Variants in PLEKHA8 observed in about 807,000 individuals in gnomAD.
The protein encoded by PLEKHA8 is pleckstrin homology domain-containing family A member 8.
PLEKHA8 carries 36 observed loss-of-function variants against 68.2 expected under a neutral mutation model. The ratio of observed to expected loss-of-function variants is 0.53; its 90% CI spans 0.40 to 0.70. The LOEUF (loss-of-function observed/expected upper bound fraction) is 0.70. PLEKHA8 is among the 30% of genes least tolerant of loss of function. The pLI is 0.00. For missense variants in PLEKHA8, 505 were observed against 615.4 expected (o/e 0.82, Z 1.90); for synonymous variants, 211 against 216.1 (o/e 0.98, Z 0.20).
At chr7:30,106,681 C>T (rs1796068527) in intron 13 of PLEKHA8, among the ~76,000 whole-genome samples, 1 of 152,178 alleles carries the variant, frequency 6.6e-6, no homozygotes, top group Non-Finnish European at 1.5e-5. Flanking sequence ...TAAATGGAGT[C>T]AGCCAACCCG....
intron 13 of PLEKHA8, 114 bp downstream of exon 13, chr7:30,074,246 T>TGTGTGTGTG (rs1794461707): frequency 1.6e-5 from 8 of 488,526 alleles, no homozygotes; most frequent in African/African-American, 1.2e-4. Context: ...AGAAACAAAG[T>TGTGTGTGTG]TGTGTGTGTG....
intron 13 of PLEKHA8, among the ~76,000 whole-genome samples, chr7:30,123,912 G>C (rs1266426706): frequency 6.6e-6 from 1 of 152,212 alleles, no homozygotes; most frequent in Non-Finnish European, 1.5e-5. Flanking sequence ...ATGCAACCAA[G>C]TGAGGTATAA....
chr7:30,045,198 CA>C lies in PLEKHA8; in HGVS notation c.156del (p.Val53PhefsTer4). 6.3e-7 allele frequency: 1 copy of C among 1,591,292 alleles called. No individual in the cohort carries two copies. On this transcript the variant is annotated frameshift_variant and splice_region_variant, in exon 2 of 14. Transcript: ENST00000449726. LOFTEE classifies it high-confidence loss of function. Reference protein sequence around the residue: ...GSIQMAVCEIQVHSVDNTRMD... With the variant: ...GSIQMAVCEIXVHSVDNTRMD... ...CATACAAATGGCAGTCTGTGAAATT[CA>C]AGGTGAGAAATCAAGCAACTTGCAA...
chr7:30,068,686 G>A (rs1444641199), intron 12 of PLEKHA8, among the ~76,000 whole-genome samples: 1 of 151,954 alleles, frequency 6.6e-6, no homozygotes, highest in African/African-American at 2.4e-5. Context: ...TGTGGCTTGC[G>A]TTTGCTCTTT....
rs929413540 is a variant in PLEKHA8, at chr7:30,045,082, C to G, written c.41-3C>G. On this transcript the variant is annotated splice_region_variant and splice_polypyrimidine_tract_variant and intron_variant, in intron 1 of 13. Coordinates refer to ENST00000449726, the MANE Select transcript of PLEKHA8 (RefSeq NM_001197026.2). ...GCAATGATGCTCTTGCTTTTGTTTTCAGGTTGGCAGCCTCGATGGTTCCTT... is the reference window on the plus strand; with the variant it reads ...GCAATGATGCTCTTGCTTTTGTTTTGAGGTTGGCAGCCTCGATGGTTCCTT... The G allele has an allele frequency of 1.8e-5, 28 of 1,589,018 alleles. No individual in the cohort carries two copies. Among genetic ancestry groups the G allele is most frequent in the Non-Finnish European group, 2.3e-5 (27 of 1,167,950 alleles).
chr7:30,115,263 C>T (rs1796391362), intron 13 of PLEKHA8, among the ~76,000 whole-genome samples: 2 of 151,908 alleles, frequency 1.3e-5, no homozygotes, highest in Admixed American at 6.5e-5. Context: ...CTCATTCCAC[C>T]CTTTAAAAAA....
chr7:30,120,170 C>CA (rs200775029), intron 13 of PLEKHA8, among the ~76,000 whole-genome samples: 22,433 of 130,840 alleles, frequency 0.17, 1,740 homozygotes, highest in Middle Eastern at 0.22. Flanking sequence ...AAAAAAAAAA[C>CA]AAAAAAAAAA....
intron 12 of PLEKHA8, among the ~76,000 whole-genome samples, chr7:30,069,274 T>A (rs1220643143): frequency 3.9e-5 from 6 of 152,234 alleles, no homozygotes; most frequent in African/African-American, 1.2e-4. Flanking sequence ...ACTGTCTAGT[T>A]GAGCACATTT....
At chr7:30,037,819 C>T (rs947023110) in intron 1 of PLEKHA8, among the ~76,000 whole-genome samples, 1 of 150,170 alleles carries the variant, frequency 6.7e-6, no homozygotes, top group African/African-American at 2.5e-5. Context: ...ACTTTAAGTT[C>T]AGGGGTACAT....
intron 13 of PLEKHA8, among the ~76,000 whole-genome samples, chr7:30,102,296 G>T (rs1479550939): frequency 3.3e-5 from 5 of 152,234 alleles, no homozygotes; most frequent in Admixed American, 6.5e-5. Context: ...TATTGGTGAG[G>T]ATGTGGAGAA....
chr7:30,074,276 G>GTA, intron 13 of PLEKHA8, 144 bp downstream of exon 13: 70 of 473,384 alleles, frequency 1.5e-4, no homozygotes, highest in South Asian at 7.2e-4. Context: ...GTGTGTGTAT[G>GTA]TGTGGTGTTT....
In PLEKHA8 at chr7:30,117,861, G is replaced by GAAA. The variant is rs1484433213; in HGVS notation, c.1363-11405_1363-11404insAAA. On this transcript the variant is annotated intron_variant, in intron 13 of 13. Coordinates refer to the PLEKHA8 transcript ENST00000396257. ...TGCCAACAAGATATTAGAAACAGAA[G>GAAA]TATAACTACACAACTCTACTTCCTG... is the stretch of plus-strand genomic sequence containing the variant. 9.8e-6 allele frequency: 6 copies of GAAA among 612,660 alleles called. No homozygotes were observed. The African/African-American group carries it at 1.1e-4, about 11-fold the overall frequency. The allele number at this position is 612,660 out of a possible 1,614,324, so 38.0% of individuals were successfully genotyped here. A position where few individuals can be genotyped will look rare whatever the true frequency, so the allele number is the denominator to read the frequency against.
At chr7:30,093,464 A>G (rs142248350), downstream of PLEKHA8, among the ~76,000 whole-genome samples, 1 of 152,344 alleles carries the variant, frequency 6.6e-6, no homozygotes, top group Non-Finnish European at 1.5e-5. Context: ...CCTTACCACT[A>G]TGTGGCTATG....
intron 12 of PLEKHA8, among the ~76,000 whole-genome samples, chr7:30,065,053 C>T (rs1377260807): frequency 6.6e-6 from 1 of 152,158 alleles, no homozygotes; most frequent in Non-Finnish European, 1.5e-5. Context: ...TTTCTCTCTC[C>T]TTTTCTCCTC....
chr7:30,086,040 A>G (rs771375959), downstream of PLEKHA8, among the ~76,000 whole-genome samples: 13 of 152,026 alleles, frequency 8.6e-5, no homozygotes, highest in Middle Eastern at 3.2e-3. Context: ...CACTGCCTTG[A>G]CCTTTTTACT....
intron 9 of PLEKHA8, among the ~76,000 whole-genome samples, chr7:30,056,737 AAAAAAGTGTGTGT>A (rs1377165815): frequency 1.4e-3 from 142 of 101,400 alleles, no homozygotes; most frequent in African/African-American, 4.7e-3. Context: ...AAAAAAAAAA[AAAAAAGTGTGTGT>A]GTGTGTGTGT....
At chr7:30,109,586 CAAAAAAAAAAAAAAA>C (rs1166200858) in intron 13 of PLEKHA8, among the ~76,000 whole-genome samples, 1 of 41,606 alleles carries the variant, frequency 2.4e-5, no homozygotes, top group Non-Finnish European at 3.8e-5. Context: ...AACTCTGTCT[CAAAAAAAAAAAAAAA>C]AAAAAAAAAA....
At chr7:30,129,391 A>C (rs988135464) in exon 14 of PLEKHA8, 10 of 1,564,376 alleles carry the variant, frequency 6.4e-6, no homozygotes, top group East Asian at 4.5e-5. Flanking sequence ...GATGATAAAG[A>C]AGCAGCCAAT....
chr7:30,060,480 TG>T (rs1183298678), intron 9 of PLEKHA8, among the ~76,000 whole-genome samples: 1 of 152,168 alleles, frequency 6.6e-6, no homozygotes, highest in Non-Finnish European at 1.5e-5. Flanking sequence ...TGAGATATTT[TG>T]CAATCTCTTT....
Sources: gnomAD v4.1 joint callset for allele counts (sites outside exome capture counted in the v4.1 genomes callset) on GRCh38, gnomAD v4.1.1 for gene constraint, MANE v1.5 for transcripts, NCBI Gene and HGNC (gene_info 2026-07-23, HGNC 2026-07-21) for gene names.